Variants in TNFRSF11B observed in about 807,000 individuals in gnomAD.
The protein encoded by TNFRSF11B is TNF receptor superfamily member 11b.
TNFRSF11B carries 16 observed loss-of-function variants against 43.4 expected under a neutral mutation model. That is an observed-to-expected ratio of 0.37 (90% CI 0.25 to 0.56). The LOEUF (loss-of-function observed/expected upper bound fraction) is 0.56. Ranked by LOEUF, TNFRSF11B falls within the 20% of genes least tolerant of loss-of-function variation. The probability of loss-of-function intolerance (pLI) is 0.80; values close to 1 mark genes in which losing one functional copy is unlikely to be tolerated. For synonymous variants in TNFRSF11B, 185 were observed against 181.8 expected, an observed-to-expected ratio of 1.02 and a Z score of -0.14; for missense variants, 444 against 490.1, an observed-to-expected ratio of 0.91 and a Z score of 0.89.
intron 4 of TNFRSF11B, 76 bp downstream of exon 4, chr8:118,926,418 T>G: frequency 7.7e-7 from 1 of 1,293,712 alleles, no homozygotes; most frequent in Non-Finnish European, 1.1e-6. Context: ...TAAACATACA[T>G]GCAGTCTTGT....
At position 118,924,430 on chromosome 8, in the gene TNFRSF11B, A is replaced by C. The variant is rs1804854; in HGVS notation, c.1150T>G (p.Leu384Val). Reference sequence around the variant, plus strand: ...TGGTTACCTATCATTTCTAAAAATAACTTCTGATACAATTTGTACATTGTG... The same window carrying C: ...TGGTTACCTATCATTTCTAAAAATACCTTCTGATACAATTTGTACATTGTG... ...SFTMYKLYQK[L>V]FLEMIGNQVQ... Residue 384 changes from leucine (L) to valine (V), a missense_variant, in exon 5 of 5, where the codon TTA becomes GTA. By Grantham distance (32) the Leu-to-Val change is conservative. Transcript: ENST00000297350. The C allele has an allele frequency of 1.2e-6, 2 of 1,614,078 alleles. No homozygotes were observed. The highest frequency in any genetic ancestry group is 1.7e-6 in the Non-Finnish European group (2 of 1,180,008).
At chr8:118,930,722 G>T (rs1416436442) in intron 2 of TNFRSF11B, 2 of 447,722 alleles carry the variant, frequency 4.5e-6, no homozygotes, top group Admixed American at 4.7e-5. Flanking sequence ...TAAGAATCTT[G>T]TTCATTCTTC....
intron 3 of TNFRSF11B, among the ~76,000 whole-genome samples, chr8:118,927,628 A>G (rs989448668): frequency 7.9e-5 from 12 of 151,764 alleles, no homozygotes; most frequent in African/African-American, 2.7e-4. Flanking sequence ...CAATGAAACA[A>G]TGCTGGAACT....
intron 2 of TNFRSF11B, chr8:118,930,635 C>T (rs558208826): frequency 2.3e-4 from 80 of 350,468 alleles, no homozygotes; most frequent in South Asian, 1.7e-3. Context: ...TGGTCTTGAA[C>T]TCCTGACCTC....
In TNFRSF11B at chr8:118,932,555, A is replaced by G. The variant is rs192450051; in HGVS notation, c.400+376T>C. Reference sequence around the variant, plus strand: ...AATTACTCTCTTGGTATAAATTAACATTTCTGATGTTTGTCAAAAAGTGCT... The same window carrying G: ...AATTACTCTCTTGGTATAAATTAACGTTTCTGATGTTTGTCAAAAAGTGCT... On this transcript the variant is annotated intron_variant, in intron 2 of 4. Transcript: ENST00000297350. Among the ~76,000 whole-genome samples the G allele has an allele frequency of 3.0e-3, 460 of 152,040 alleles. 2 individuals are homozygous for G. The highest frequency in any genetic ancestry group is 5.6e-3 in the Admixed American group (86 of 15,268).
rs1216799773 is a variant in TNFRSF11B, at chr8:118,926,605, T to C, written c.706A>G (p.Ser236Gly). ...TGTTGCCGTTTTATCCTCTCTACAC[T>C]CTCTGCGTTTACTTTGGTGCCAGGC... ...NLPGTKVNAE[S>G]VERIKRQHSS... The change falls in exon 4 of 5, where the codon AGT becomes GGT. Residue 236 changes from serine (S) to glycine (G), a missense_variant. Ser to Gly is a moderately conservative substitution (Grantham distance 56, BLOSUM62 0). Transcript: ENST00000297350. 3 of 1,613,994 alleles carry C rather than the reference T, an allele frequency of 1.9e-6. No homozygotes were observed. In the Admixed American group the frequency reaches 5.0e-5, roughly 27 times the overall value.
chr8:118,924,377 T>G lies in TNFRSF11B; in HGVS notation c.1203A>C (p.Leu401Phe). The G allele has an allele frequency of 6.2e-7, 1 of 1,614,160 alleles. No individual in the cohort carries two copies. The highest frequency in any genetic ancestry group is 8.5e-7 in the Non-Finnish European group (1 of 1,180,016). Residue 401 changes from leucine to phenylalanine, a missense_variant, in exon 5 of 5, where the codon TTA (leucine) becomes TTC (phenylalanine). Transcript: ENST00000297350. ...NQVQSVKISC[L>F] ...ACAGCTCAATGGCCATTTCCAGTTA[T>G]AAGCAGCTTATTTTTACTGATTGGA...
At chr8:118,946,431 G>T (rs1388183824) in intron 1 of TNFRSF11B, among the ~76,000 whole-genome samples, 4 of 152,036 alleles carry the variant, frequency 2.6e-5, no homozygotes. Flanking sequence ...CTGTGGTAGT[G>T]AGTTCCAAAA....
At chr8:118,947,503 T>C (rs1213872895) in intron 1 of TNFRSF11B, among the ~76,000 whole-genome samples, 1 of 152,138 alleles carries the variant, frequency 6.6e-6, no homozygotes, top group Admixed American at 6.6e-5. Flanking sequence ...ATTTCTCTGG[T>C]CATAATGACT....
chr8:118,941,023 C>A (rs999778918), intron 1 of TNFRSF11B, among the ~76,000 whole-genome samples: 2 of 152,100 alleles, frequency 1.3e-5, no homozygotes, highest in Non-Finnish European at 2.9e-5. Context: ...TATACAGATG[C>A]AAATAAATAT....
chr8:118,924,377 T>A lies in TNFRSF11B; in HGVS notation c.1203A>T (p.Leu401Phe). The change falls in exon 5 of 5, where the codon TTA (leucine) becomes TTT (phenylalanine). Residue 401 changes from leucine (L) to phenylalanine (F), a missense_variant. Coordinates refer to ENST00000297350, the MANE Select transcript of TNFRSF11B (RefSeq NM_002546.4). Reference protein sequence around the residue: ...NQVQSVKISCL With the variant: ...NQVQSVKISCF The stretch of plus-strand genomic sequence containing the variant: ...ACAGCTCAATGGCCATTTCCAGTTA[T>A]AAGCAGCTTATTTTTACTGATTGGA... 6.2e-7 allele frequency: 1 copy of A among 1,614,160 alleles called. No homozygotes were observed. The highest frequency in any genetic ancestry group is 8.5e-7 in the Non-Finnish European group (1 of 1,180,016).
intron 2 of TNFRSF11B, among the ~76,000 whole-genome samples, chr8:118,929,781 G>T (rs928426867): frequency 6.6e-6 from 1 of 152,184 alleles, no homozygotes; most frequent in African/African-American, 2.4e-5. Context: ...ATCTGAATAT[G>T]AAAATATCTC....
chr8:118,927,138 G>A (rs150568085), intron 3 of TNFRSF11B, among the ~76,000 whole-genome samples: 76 of 152,298 alleles, frequency 5.0e-4, no homozygotes, highest in African/African-American at 1.7e-3. Context: ...TTGGAATAGT[G>A]TGTTATTTTT....
intron 1 of TNFRSF11B, among the ~76,000 whole-genome samples, chr8:118,950,591 A>G (rs960823961): frequency 6.6e-6 from 1 of 152,200 alleles, no homozygotes; most frequent in African/African-American, 2.4e-5. Context: ...GAAAAACTGC[A>G]TTAGGCACTT....
chr8:118,941,326 G>T lies in TNFRSF11B; in HGVS notation c.31-8026C>A, dbSNP rs144622602. Among the ~76,000 whole-genome samples, 351 of 152,278 alleles carry T rather than the reference G, an allele frequency of 2.3e-3. 1 individual carries two copies. Among genetic ancestry groups the T allele is most frequent in the African/African-American group, 8.1e-3 (335 of 41,554 alleles). ...CACAATAGCCAGTTGTTTGGCCTAG[G>T]ATTATGTCTCTAGGTAAGGCAGGAA... On this transcript the variant is annotated intron_variant, in intron 1 of 4. Coordinates refer to ENST00000297350, the MANE Select transcript of TNFRSF11B (RefSeq NM_002546.4).
At chr8:118,942,444 TGTG>T (rs1186782901) in intron 1 of TNFRSF11B, among the ~76,000 whole-genome samples, 1 of 151,970 alleles carries the variant, frequency 6.6e-6, no homozygotes, top group Non-Finnish European at 1.5e-5. Context: ...CGAAAAGCCA[TGTG>T]GTGATGAAAT....
At chr8:118,925,036 A>G (rs931846609) in intron 4 of TNFRSF11B, among the ~76,000 whole-genome samples, 2 of 152,252 alleles carry the variant, frequency 1.3e-5, no homozygotes, top group Non-Finnish European at 2.9e-5. Flanking sequence ...GTAGAAAATA[A>G]GACACATCAC....
intron 1 of TNFRSF11B, among the ~76,000 whole-genome samples, chr8:118,937,706 T>C (rs538033862): frequency 2.0e-5 from 3 of 152,276 alleles, no homozygotes; most frequent in Admixed American, 6.5e-5. Flanking sequence ...AACAACCTAC[T>C]GCAGAATTTG....
intron 1 of TNFRSF11B, among the ~76,000 whole-genome samples, chr8:118,937,024 C>A (rs1317525885): frequency 6.6e-6 from 1 of 152,176 alleles, no homozygotes; most frequent in Non-Finnish European, 1.5e-5. Flanking sequence ...CTTCCTGAAG[C>A]CTCCATTCCT....
Sources: gnomAD v4.1 joint callset for allele counts (sites outside exome capture counted in the v4.1 genomes callset) on GRCh38, gnomAD v4.1.1 for gene constraint, MANE v1.5 for transcripts, NCBI Gene and HGNC (gene_info 2026-07-23, HGNC 2026-07-21) for gene names.